The following SCNN1B variants were observed in gnomAD, a reference collection of about 807,000 sequenced individuals.
SCNN1B encodes the protein epithelial sodium channel subunit beta.
SCNN1B carries 46 observed loss-of-function variants against 65.3 expected under a neutral mutation model. That is an observed-to-expected ratio of 0.70 (90% CI 0.56 to 0.90). The LOEUF (loss-of-function observed/expected upper bound fraction) is 0.90, where lower values mean the gene tolerates loss of function less well. SCNN1B is among the 40% of genes least tolerant of loss of function. The pLI, the probability that SCNN1B is intolerant of heterozygous loss-of-function variation, is 0.00. For synonymous variants in SCNN1B, 349 were observed against 330.6 expected (o/e 1.06, Z -0.60); for missense variants, 751 against 830.5 (o/e 0.90, Z 1.18).
In SCNN1B at chr16:23,353,215, T is replaced by G. The variant is rs143138212; in HGVS notation, c.585+141T>G. 2.9e-6 allele frequency: 3 copies of G among 1,042,328 alleles called. No individual in the cohort carries two copies. In the African/African-American group the frequency reaches 4.8e-5, roughly 17 times the overall value. The allele number at this position is 1,042,328 out of a possible 1,614,324, so 64.6% of individuals were successfully genotyped here. On this transcript the variant is annotated intron_variant, in intron 3 of 12. Transcript: ENST00000343070. ...GCCTGTTTTGCTTGTTTGCAGAGAT[T>G]TTTTAAAAATAGAAATTTTTGGCAT...
chr16:23,356,998 C>T (rs931479474), intron 4 of SCNN1B, among the ~76,000 whole-genome samples: 13 of 152,352 alleles, frequency 8.5e-5, no homozygotes, highest in African/African-American at 2.9e-4. Context: ...GGCCTCCTGA[C>T]CCAGCCTCCA....
At chr16:23,297,039 A>T (rs1199797947) in intron 2 of SCNN1B, among the ~76,000 whole-genome samples, 2 of 151,152 alleles carry the variant, frequency 1.3e-5, no homozygotes, top group Non-Finnish European at 2.9e-5. Flanking sequence ...AAGATCAGGG[A>T]TCTGCCTTTG....
intron 1 of SCNN1B, among the ~76,000 whole-genome samples, chr16:23,343,605 A>AAGAAAGAAAGAAAGAAAGAAAGAAAG (rs1962114653): frequency 1.7e-5 from 2 of 118,498 alleles, no homozygotes; most frequent in African/African-American, 6.7e-5. Context: ...GAAAGAAAGA[A>AAGAAAGAAAGAAAGAAAGAAAGAAAG]AGAAAGAAAG....
At chr16:23,365,587 GAGAAAGAAAGAA>G (rs1555488905) in intron 4 of SCNN1B, among the ~76,000 whole-genome samples, 4 of 86,956 alleles carry the variant, frequency 4.6e-5, no homozygotes, top group Admixed American at 2.2e-4. Context: ...AAGAAAGAAA[GAGAAAGAAAGAA>G]AGAAAGAAAG....
intron 4 of SCNN1B, among the ~76,000 whole-genome samples, chr16:23,356,223 G>A (rs957947405): frequency 2.2e-4 from 34 of 152,236 alleles, no homozygotes; most frequent in African/African-American, 8.0e-4. Flanking sequence ...TGGGCACCCA[G>A]GCATCTGTTG....
chr16:23,279,006 A>T (rs1301576041), intron 1 of SCNN1B, among the ~76,000 whole-genome samples: 1 of 151,884 alleles, frequency 6.6e-6, no homozygotes, highest in African/African-American at 2.4e-5. Context: ...TAATAAAAAA[A>T]AAGGGGAGGG....
At chr16:23,291,718 G>T (rs1960927661) in intron 2 of SCNN1B, among the ~76,000 whole-genome samples, 1 of 150,774 alleles carries the variant, frequency 6.6e-6, no homozygotes, top group African/African-American at 2.4e-5. Flanking sequence ...GAGACCACAG[G>T]CACGCACCAC....
chr16:23,358,262 A>C (rs1962461028), intron 4 of SCNN1B: 1 of 148,226 alleles, frequency 6.7e-6, no homozygotes, highest in Non-Finnish European at 1.5e-5. Flanking sequence ...TAGCAGAAAC[A>C]GGGAAAATAG....
intron 4 of SCNN1B, among the ~76,000 whole-genome samples, chr16:23,366,649 G>A (rs1403401010): frequency 6.6e-6 from 1 of 151,924 alleles, no homozygotes; most frequent in African/African-American, 2.4e-5. Context: ...CAGGAGAATC[G>A]CTGAGATTCT....
At chr16:23,372,038 C>A in intron 7 of SCNN1B, 155 bp downstream of exon 7, 1 of 695,472 alleles carries the variant, frequency 1.4e-6, no homozygotes, top group Admixed American at 2.0e-5. Context: ...GGACCAGTCA[C>A]TTTCCTGGGC....
intron 1 of SCNN1B, among the ~76,000 whole-genome samples, chr16:23,346,668 TCCCCA>T (rs1962195779): frequency 8.1e-6 from 1 of 123,470 alleles, no homozygotes; most frequent in African/African-American, 3.2e-5. Flanking sequence ...GCAGGCTCCC[TCCCCA>T]CCCCTGCAGG....
chr16:23,340,748 A>C (rs1962038222), intron 1 of SCNN1B, among the ~76,000 whole-genome samples: 1 of 152,160 alleles, frequency 6.6e-6, no homozygotes, highest in South Asian at 2.1e-4. Flanking sequence ...GGTCTATCAG[A>C]GCTCCTTAAT....
intron 11 of SCNN1B, among the ~76,000 whole-genome samples, chr16:23,379,134 CCACT>C (rs1962980329): frequency 6.6e-6 from 1 of 151,412 alleles, no homozygotes; most frequent in Non-Finnish European, 1.5e-5. Flanking sequence ...CAGCCATCCT[CCACT>C]CATTCATCCT....
chr16:23,353,003 A>C lies in SCNN1B; in HGVS notation c.514A>C (p.Asn172His), dbSNP rs1250644754. 1 of 1,614,026 alleles carries C rather than the reference A, an allele frequency of 6.2e-7. No individual in the cohort carries two copies. The highest frequency in any genetic ancestry group is 8.5e-7 in the Non-Finnish European group (1 of 1,180,040). ...CCTTGATCTCTTTGGAGACAACCAC[A>C]ATGGCTTAACAAGCAGCTCAGCATC... ...MVLDLFGDNH[N>H]GLTSSSASEK... is the part of the protein sequence containing the mutation. The change falls in exon 3 of 13, where the codon AAT becomes CAT. Residue 172 changes from asparagine (N) to histidine (H), a missense_variant. Transcript: ENST00000343070.
intron 4 of SCNN1B, among the ~76,000 whole-genome samples, chr16:23,363,099 G>T (rs1962585058): frequency 6.6e-6 from 1 of 152,202 alleles, no homozygotes. Context: ...ACTGGGACTT[G>T]GGTGTCACTT....
At chr16:23,295,471 T>A (rs1290595131) in intron 2 of SCNN1B, among the ~76,000 whole-genome samples, 1 of 152,112 alleles carries the variant, frequency 6.6e-6, no homozygotes, top group Non-Finnish European at 1.5e-5. Flanking sequence ...CATATCAGCC[T>A]CCCAAGTAGC....
chr16:23,299,152 C>T (rs1158170861), upstream of SCNN1B, among the ~76,000 whole-genome samples: 3 of 151,366 alleles, frequency 2.0e-5, no homozygotes, highest in East Asian at 5.8e-4. Flanking sequence ...CTCCGCCTCC[C>T]GGGTTCAAGT....
intron 1 of SCNN1B, chr16:23,304,046 G>T (rs1356579508): frequency 3.3e-6 from 5 of 1,535,078 alleles, no homozygotes; most frequent in Admixed American, 2.0e-5. Context: ...CTGCTGCATG[G>T]ATTCCCGCCG....
Position 23,295,135 on chromosome 16 carries a change from C to G in SCNN1B, n.178+11331C>G, listed in dbSNP as rs1490270660. Among the ~76,000 whole-genome samples, 3 of 152,220 alleles carry G rather than the reference C, an allele frequency of 2.0e-5. 1 individual carries two copies. Among genetic ancestry groups the G allele is most frequent in the African/African-American group, 7.2e-5 (3 of 41,458 alleles). On this transcript the variant is annotated intron_variant and non_coding_transcript_variant, in intron 2 of 3. Transcript: ENST00000569789. ...GTCTCCTCTCACTAGAATGCAAGCT[C>G]CACAAGGGTAGGAGTTTTTGCCTTG...
Sources: gnomAD v4.1 joint callset for allele counts (sites outside exome capture counted in the v4.1 genomes callset) on GRCh38, gnomAD v4.1.1 for gene constraint, MANE v1.5 for transcripts, NCBI Gene and HGNC (gene_info 2026-07-23, HGNC 2026-07-21) for gene names.